Variants in PHACTR3 observed in about 807,000 individuals in gnomAD.
The protein encoded by PHACTR3 is phosphatase and actin regulator 3, also known as protein phosphatase 1, regulatory subunit 123.
A neutral mutation model predicts 66.8 loss-of-function variants in PHACTR3; 16 were observed. The observed-to-expected ratio is 0.24, with a 90% CI of 0.16 to 0.36. The LOEUF (loss-of-function observed/expected upper bound fraction) is 0.36, where lower values mean the gene tolerates loss of function less well. Ranked by LOEUF, PHACTR3 falls within the 10% of genes least tolerant of loss-of-function variation. The pLI, the probability that PHACTR3 is intolerant of heterozygous loss-of-function variation, is 1.00. For missense variants in PHACTR3, 647 were observed against 719.9 expected (o/e 0.90, Z 1.16); for synonymous variants, 323 against 292.1 (o/e 1.11, Z -1.08).
At chr20:59,628,563 G>A in intron 1 of PHACTR3, 4 of 953,362 alleles carry the variant, frequency 4.2e-6, no homozygotes, top group Non-Finnish European at 5.0e-6. Flanking sequence ...CCCAGGGAGA[G>A]AGGCGAGCCC....
chr20:59,655,914 A>G (rs568531905), intron 1 of PHACTR3, among the ~76,000 whole-genome samples: 2 of 152,010 alleles, frequency 1.3e-5, no homozygotes, highest in African/African-American at 4.8e-5. Context: ...TTGGTTATTT[A>G]GGGCCATATT....
intron 1 of PHACTR3, among the ~76,000 whole-genome samples, chr20:59,605,867 G>A (rs1305729401): frequency 7.2e-6 from 1 of 139,752 alleles, no homozygotes; most frequent in African/African-American, 2.6e-5. Flanking sequence ...GTGGGGGGGG[G>A]GGTGGGCTGT....
chr20:59,769,017 C>T (rs936982470), intron 5 of PHACTR3, among the ~76,000 whole-genome samples: 3 of 152,132 alleles, frequency 2.0e-5, no homozygotes, highest in Non-Finnish European at 4.4e-5. Flanking sequence ...AGTGAGGGGG[C>T]GCCCCCGCCA....
At chr20:59,802,966 C>T (rs1055717292) in intron 7 of PHACTR3, among the ~76,000 whole-genome samples, 4 of 152,172 alleles carry the variant, frequency 2.6e-5, no homozygotes, top group African/African-American at 7.2e-5. Context: ...TATTTTCAAA[C>T]CCCCTTGAGA....
At chr20:59,725,422 T>G (rs1366152741) in intron 1 of PHACTR3, among the ~76,000 whole-genome samples, 2 of 151,612 alleles carry the variant, frequency 1.3e-5, no homozygotes, top group African/African-American at 4.9e-5. Context: ...TAGGTGGGTG[T>G]GAGCTCAGGT....
chr20:59,822,266 C>T (rs1348354594), intron 8 of PHACTR3, among the ~76,000 whole-genome samples: 2 of 68,840 alleles, frequency 2.9e-5, no homozygotes, highest in African/African-American at 7.7e-5. Flanking sequence ...TGATCCCACC[C>T]CCTCCGCAGT....
rs149647839 is a variant in PHACTR3 at position 59,676,845 on chromosome 20, G to T, written c.119-66262G>T. ...GGAGCAGGCTTCTTAAAGGCAAAGG[G>T]TTTGCAAATTCTAGCAGCAGCAGGG... On this transcript the variant is annotated intron_variant, in intron 1 of 12. Coordinates refer to ENST00000371015, the MANE Select transcript of PHACTR3 (RefSeq NM_080672.5). The T allele has an allele frequency of 1.3e-3, 772 of 583,782 alleles. 2 individuals carry two copies. The highest frequency in any genetic ancestry group is 0.013 in the Middle Eastern group (14 of 1,114). The allele number at this position is 583,782 out of a possible 1,614,324, so 36.2% of individuals were successfully genotyped here.
At chr20:59,716,236 G>A (rs2038087032) in intron 1 of PHACTR3, among the ~76,000 whole-genome samples, 1 of 150,566 alleles carries the variant, frequency 6.6e-6, no homozygotes, top group African/African-American at 2.5e-5. Context: ...GTGTGTGTGT[G>A]TGTGTGTGTG....
At chr20:59,602,892 A>C (rs909508098), upstream of PHACTR3, among the ~76,000 whole-genome samples, 1 of 152,222 alleles carries the variant, frequency 6.6e-6, no homozygotes, top group African/African-American at 2.4e-5. Flanking sequence ...ACCCTGGGCC[A>C]AGAGCATTGG....
chr20:59,680,688 C>G (rs2036611597), intron 1 of PHACTR3, among the ~76,000 whole-genome samples: 1 of 152,002 alleles, frequency 6.6e-6, no homozygotes, highest in African/African-American at 2.4e-5. Flanking sequence ...CATCAACTAT[C>G]ATTAGTGTTA....
intron 1 of PHACTR3, among the ~76,000 whole-genome samples, chr20:59,588,800 A>G (rs569479969): frequency 6.6e-6 from 1 of 152,350 alleles, no homozygotes; most frequent in East Asian, 1.9e-4. Flanking sequence ...GAATTAACGA[A>G]TGAGAGACTC....
chr20:59,604,682 A>G lies in PHACTR3; in HGVS notation c.-333A>G. 7 of 1,013,620 alleles carry G rather than the reference A, an allele frequency of 6.9e-6. No homozygotes were observed. The highest frequency in any genetic ancestry group is 8.2e-6 in the Non-Finnish European group (7 of 849,526). The allele number at this position is 1,013,620 out of a possible 1,614,324, so 62.8% of individuals were successfully genotyped here. ...CAAGCACGCAATAAACACTGACAAG[A>G]AAAAGTTTTTATTTCCTGGTTCAAC... On this transcript the variant is annotated 5_prime_UTR_variant, in exon 1 of 13. Transcript: ENST00000371015.
intron 5 of PHACTR3, among the ~76,000 whole-genome samples, chr20:59,771,002 C>T (rs1208789010): frequency 6.6e-6 from 1 of 152,188 alleles, no homozygotes; most frequent in Non-Finnish European, 1.5e-5. Context: ...TCAGCTTCCT[C>T]ATCTGTGAAA....
chr20:59,737,568 G>T (rs569924674), intron 1 of PHACTR3, among the ~76,000 whole-genome samples: 1 of 152,178 alleles, frequency 6.6e-6, no homozygotes, highest in Non-Finnish European at 1.5e-5. Context: ...CTGTGTGCAT[G>T]TGTGTGTGCG....
chr20:59,820,291 T>C lies in PHACTR3; in HGVS notation c.1328+14097T>C, dbSNP rs1192069087. Among the ~76,000 whole-genome samples the C allele has an allele frequency of 1.3e-5, 2 of 152,070 alleles. No homozygotes were observed. Among genetic ancestry groups the C allele is most frequent in the African/African-American group, 4.8e-5 (2 of 41,408 alleles). ...GGCAGTGCTGTGAGCAGGCTCTGTG[T>C]GGTATTGTGGGCAGAAATCAACCTC... is the stretch of plus-strand genomic sequence containing the variant. On this transcript the variant is annotated intron_variant, in intron 8 of 12. Transcript: ENST00000371015. This position sits in a 1 kb window ranked among gnomAD's most constrained non-coding sequence, Gnocchi z 4.6.
intron 10 of PHACTR3, 30 bp from the exon 11 acceptor site, chr20:59,841,365 A>G (rs770257764): frequency 1.3e-5 from 20 of 1,595,204 alleles, no homozygotes; most frequent in Non-Finnish European, 1.6e-5. Flanking sequence ...TTGGCATGTG[A>G]TACTTAACTA....
intron 7 of PHACTR3, among the ~76,000 whole-genome samples, chr20:59,785,419 C>T (rs927131917): frequency 6.6e-6 from 1 of 152,166 alleles, no homozygotes; most frequent in East Asian, 1.9e-4. Flanking sequence ...AAAGCTTCAA[C>T]TTGTGAATTC....
At chr20:59,677,893 G>A (rs924845123) in intron 1 of PHACTR3, among the ~76,000 whole-genome samples, 1 of 152,166 alleles carries the variant, frequency 6.6e-6, no homozygotes, top group East Asian at 1.9e-4. Context: ...ATTAAGGAGA[G>A]GATCAGAGGA....
chr20:59,612,841 T>A (rs916952038), intron 1 of PHACTR3, among the ~76,000 whole-genome samples: 1 of 152,180 alleles, frequency 6.6e-6, no homozygotes, highest in Non-Finnish European at 1.5e-5. Flanking sequence ...GCGGGAAGCG[T>A]GGTGCCAGCA....
Sources: gnomAD v4.1 joint callset for allele counts (sites outside exome capture counted in the v4.1 genomes callset) on GRCh38, gnomAD v4.1.1 for gene constraint, Gnocchi (gnomAD v3.1) non-coding constraint, MANE v1.5 for transcripts, NCBI Gene and HGNC (gene_info 2026-07-23, HGNC 2026-07-21) for gene names.